Variants in COL13A1 observed in about 807,000 individuals in gnomAD.
The protein encoded by COL13A1 is collagen alpha-1(XIII) chain.
A neutral mutation model predicts 130.9 loss-of-function variants in COL13A1; 89 were observed. The ratio of observed to expected loss-of-function variants is 0.68; its 90% CI spans 0.57 to 0.81. The LOEUF is 0.81. COL13A1 is among the 30% of genes least tolerant of loss of function. The probability of loss-of-function intolerance (pLI) is 0.00; values close to 1 mark genes in which losing one functional copy is unlikely to be tolerated. For synonymous variants in COL13A1, 402 were observed against 341.6 expected, an observed-to-expected ratio of 1.18 and a Z score of -1.95; for missense variants, 879 against 934.6, an observed-to-expected ratio of 0.94 and a Z score of 0.78.
At chr10:69,849,510 ATTTTT>A (rs66696867) in intron 2 of COL13A1, among the ~76,000 whole-genome samples, 4,206 of 152,256 alleles carry the variant, frequency 0.028, 93 homozygotes, top group Non-Finnish European at 0.045. Context: ...ATTTTTATTT[ATTTTT>A]AAGAACAAGA....
chr10:69,943,139 C>A (rs140221613), intron 35 of COL13A1, among the ~76,000 whole-genome samples: 1 of 152,222 alleles, frequency 6.6e-6, no homozygotes, highest in Non-Finnish European at 1.5e-5. Flanking sequence ...TGAGCCACTG[C>A]GCCCAGCCTC....
intron 10 of COL13A1, 98 bp downstream of exon 10, chr10:69,889,538 C>A (rs911757341): frequency 2.3e-5 from 35 of 1,489,606 alleles, no homozygotes; most frequent in Non-Finnish European, 3.2e-5. Context: ...ACAGGGACAA[C>A]AGGAATGGCT....
intron 2 of COL13A1, among the ~76,000 whole-genome samples, chr10:69,835,818 A>T (rs1849903806): frequency 6.6e-6 from 1 of 152,250 alleles, no homozygotes; most frequent in Non-Finnish European, 1.5e-5. Flanking sequence ...GCTGGAGGAC[A>T]TTAATTAGTA....
intron 31 of COL13A1, 114 bp downstream of exon 31, chr10:69,932,718 G>A (rs1330768909): frequency 4.2e-6 from 3 of 712,670 alleles, no homozygotes; most frequent in East Asian, 5.7e-5. Context: ...CGTTTACTGA[G>A]CACCACCATA....
intron 38 of COL13A1, among the ~76,000 whole-genome samples, 196 bp downstream of exon 38, chr10:69,947,538 G>T (rs746729163): frequency 8.5e-5 from 13 of 152,152 alleles, no homozygotes; most frequent in Admixed American, 4.6e-4. Context: ...ATGGAAGCCT[G>T]TATTTTTCCA....
At chr10:69,880,712 G>A (rs889564478) in intron 7 of COL13A1, among the ~76,000 whole-genome samples, 159 bp downstream of exon 7, 1 of 152,210 alleles carries the variant, frequency 6.6e-6, no homozygotes, top group Non-Finnish European at 1.5e-5. Context: ...CTCGGGTGCC[G>A]ATGTTGATGT....
intron 1 of COL13A1, among the ~76,000 whole-genome samples, chr10:69,804,874 G>A (rs1264542052): frequency 1.4e-5 from 2 of 146,618 alleles, no homozygotes; most frequent in African/African-American, 5.0e-5. Flanking sequence ...AGGGGCCTGG[G>A]GAATGCATTA....
At chr10:69,875,061 A>G (rs1164891230) in intron 4 of COL13A1, 67 bp from the exon 5 acceptor site, 5 of 1,605,752 alleles carry the variant, frequency 3.1e-6, no homozygotes, top group Non-Finnish European at 4.3e-6. Context: ...CAGTTTGCCT[A>G]TAGGGTCCTT....
intron 7 of COL13A1, among the ~76,000 whole-genome samples, chr10:69,884,280 G>A (rs57212529): frequency 0.2 from 30,353 of 152,050 alleles, 3,359 homozygotes; most frequent in East Asian, 0.46. Context: ...GCTTGAAATC[G>A]GCTATGGTGG....
At chr10:69,855,343 G>A (rs770363385) in intron 2 of COL13A1, among the ~76,000 whole-genome samples, 2 of 152,122 alleles carry the variant, frequency 1.3e-5, no homozygotes, top group African/African-American at 2.4e-5. Context: ...ACACATGCAC[G>A]CCTTCACCAT....
intron 24 of COL13A1, among the ~76,000 whole-genome samples, 152 bp downstream of exon 24, chr10:69,924,007 A>G (rs1419385542): frequency 1.3e-5 from 2 of 152,214 alleles, no homozygotes; most frequent in Non-Finnish European, 2.9e-5. Flanking sequence ...CTTGGGCTTT[A>G]GAGAGCCATG....
At chr10:69,865,336 A>G (rs920253466) in intron 2 of COL13A1, among the ~76,000 whole-genome samples, 53 of 152,236 alleles carry the variant, frequency 3.5e-4, no homozygotes, top group African/African-American at 1.1e-3. Flanking sequence ...TTGCAAAGCC[A>G]TCAGCTCCCC....
At chr10:69,930,625 G>A (rs2065991436) in intron 30 of COL13A1, 73 bp downstream of exon 30, 3 of 1,507,218 alleles carry the variant, frequency 2.0e-6, no homozygotes. Context: ...GCAGGGCTTT[G>A]CACTTTGCAT....
At chr10:69,873,592 A>G (rs546085934) in intron 4 of COL13A1, among the ~76,000 whole-genome samples, 15 of 152,332 alleles carry the variant, frequency 9.8e-5, no homozygotes, top group Non-Finnish European at 1.6e-4. Context: ...CAGGACTGCA[A>G]AGAGCATTAG....
chr10:69,912,009 A>G (rs2063433941), intron 17 of COL13A1, among the ~76,000 whole-genome samples: 1 of 152,136 alleles, frequency 6.6e-6, no homozygotes, highest in South Asian at 2.1e-4. Context: ...GGAGCCTGCT[A>G]GTGCGGGGAC....
intron 10 of COL13A1, among the ~76,000 whole-genome samples, chr10:69,891,404 A>G (rs950619379): frequency 1.5e-4 from 23 of 152,184 alleles, no homozygotes; most frequent in African/African-American, 5.5e-4. Flanking sequence ...GCACGTGCAA[A>G]GGTCCTGAGG....
intron 2 of COL13A1, among the ~76,000 whole-genome samples, chr10:69,856,858 C>T (rs1169412372): frequency 6.6e-6 from 1 of 152,160 alleles, no homozygotes; most frequent in Non-Finnish European, 1.5e-5. Flanking sequence ...TCAAGGGTGA[C>T]AAGTTCAAGT....
Position 69,930,445 on chromosome 10 carries a change from G to GGCC in COL13A1, c.1577_1579dup (p.Gly526_Pro527insArg). On this transcript the variant is annotated inframe_insertion, in exon 30 of 41. Transcript: ENST00000645393. ...AGACATGGGCCCTCCTGGTCCCCAA[G>GGCC]GCCCCCCAGGAAAGGATGGACCTCC... 1 of 1,613,702 alleles carries GGCC rather than the reference G, an allele frequency of 6.2e-7. No individual in the cohort carries two copies. The highest frequency in any genetic ancestry group is 8.5e-7 in the Non-Finnish European group (1 of 1,179,720).
At chr10:69,811,286 G>A (rs1459600815) in intron 1 of COL13A1, among the ~76,000 whole-genome samples, 1 of 152,214 alleles carries the variant, frequency 6.6e-6, no homozygotes, top group Admixed American at 6.5e-5. Context: ...TGCCCCTAAA[G>A]GCTGTTGTGG....
Sources: allele counts gnomAD v4.1 joint callset (sites outside exome capture counted in the v4.1 genomes callset), GRCh38; gene constraint gnomAD v4.1.1; transcripts MANE v1.5; gene names NCBI Gene and HGNC (gene_info 2026-07-23, HGNC 2026-07-21).